MEAK7: variants seen among roughly 807,000 people sequenced by gnomAD.
The protein encoded by MEAK7 is MTOR-associated protein MEAK7.
In MEAK7, 68 loss-of-function variants were observed where a neutral mutation model predicts 40.5. That is an observed-to-expected ratio of 1.68 (90% CI 1.38 to 2.06). The LOEUF is 2.06. MEAK7 is among the 30% of genes most tolerant of loss of function. The probability of loss-of-function intolerance (pLI) is 0.00; values close to 1 mark genes in which losing one functional copy is unlikely to be tolerated. For missense variants in MEAK7, 918 were observed against 580.5 expected (o/e 1.58, Z -5.98); for synonymous variants, 338 against 231.9 (o/e 1.46, Z -4.16).
intron 3 of MEAK7, among the ~76,000 whole-genome samples, chr16:84,490,080 G>C (rs1913436673): frequency 6.6e-6 from 1 of 152,326 alleles, no homozygotes; most frequent in African/African-American, 2.4e-5. Flanking sequence ...CTTACCATTA[G>C]AGCACTCAGT....
At position 84,495,757 on chromosome 16, in the gene MEAK7, C is replaced by A. The variant is rs984673876; in HGVS notation, c.310G>T (p.Glu104Ter). 6.2e-7 allele frequency: 1 copy of A among 1,613,814 alleles called. No homozygotes were observed. Among genetic ancestry groups the A allele is most frequent in the African/African-American group, 1.3e-5 (1 of 74,778 alleles). The change falls in exon 3 of 8, where the codon GAG becomes TAG. Residue 104 changes from glutamate to a stop codon, truncating the protein, a stop_gained. Transcript: ENST00000343629. LOFTEE classifies it high-confidence loss of function. ...TTCATAATCATGAGACTCTTCTCCT[C>A]GGAGTTTCCTTTCAACAGGTGGGAC... ...SMSHLLKGNS[E>*]EKSLMIMKMI...
At chr16:84,485,663 CATCT>C (rs1048511988) in intron 5 of MEAK7, among the ~76,000 whole-genome samples, 4 of 149,782 alleles carry the variant, frequency 2.7e-5, no homozygotes, top group African/African-American at 7.3e-5. Flanking sequence ...TCCATCCATC[CATCT>C]ATCTACCTAT....
At chr16:84,486,439 G>T in intron 5 of MEAK7, 192 bp downstream of exon 5, 1 of 1,382,638 alleles carries the variant, frequency 7.2e-7, no homozygotes. Flanking sequence ...GGGTCACACG[G>T]CCTGTCCTGA....
At chr16:84,503,904 C>T (rs956958171) in intron 1 of MEAK7, 32 of 983,804 alleles carry the variant, frequency 3.3e-5, no homozygotes, top group Non-Finnish European at 3.9e-5. Flanking sequence ...CAAGCTCCAA[C>T]TCTCTACTCC....
chr16:84,490,654 A>ATGTGTGTG (rs35489449), intron 3 of MEAK7, among the ~76,000 whole-genome samples: 5,252 of 137,470 alleles, frequency 0.038, 130 homozygotes, highest in Non-Finnish European at 0.047. Flanking sequence ...GCTAATCAAG[A>ATGTGTGTG]TGTGTGTGTG....
chr16:84,483,952 G>T (rs1180996339), intron 5 of MEAK7, among the ~76,000 whole-genome samples: 5 of 152,208 alleles, frequency 3.3e-5, no homozygotes, highest in African/African-American at 1.2e-4. Context: ...ACAGACTCAG[G>T]CTTGCTTCAC....
Position 84,479,622 on chromosome 16 carries a change from C to G in MEAK7, c.*291G>C, listed in dbSNP as rs1484741572. 1.7e-5 allele frequency: 5 copies of G among 289,250 alleles called. No individual in the cohort carries two copies. Among genetic ancestry groups the G allele is most frequent in the Non-Finnish European group, 3.2e-5 (5 of 157,120 alleles). The allele number at this position is 289,250 out of a possible 1,614,324, so 17.9% of individuals were successfully genotyped here. ...TTAGGATTTCGTTGGTAAAAAAGAA[C>G]AAAGTATAAGACTGAGTTACTAATT... On this transcript the variant is annotated 3_prime_UTR_variant, in exon 8 of 8. Transcript: ENST00000343629.
In MEAK7 at chr16:84,476,890, C is replaced by T. The variant is rs1278795796; in HGVS notation, c.*3023G>A. 2 of 152,096 alleles carry T rather than the reference C, an allele frequency of 1.3e-5. No individual in the cohort carries two copies. Among genetic ancestry groups the T allele is most frequent in the African/African-American group, 4.8e-5 (2 of 41,396 alleles). The allele number at this position is 152,096 out of a possible 1,614,324, so 9.4% of individuals were successfully genotyped here. On this transcript the variant is annotated 3_prime_UTR_variant, in exon 8 of 8. Coordinates refer to ENST00000343629, the MANE Select transcript of MEAK7 (RefSeq NM_020947.4). ...ATCCTTTTATCTTTTTTTTCTAAACCAGGTACACAATTTTTTTTAAACATA... is the reference window on the plus strand; with the variant it reads ...ATCCTTTTATCTTTTTTTTCTAAACTAGGTACACAATTTTTTTTAAACATA...
rs757473660 is a variant in MEAK7 at position 84,479,967 on chromosome 16, G to A, written c.1317C>T (p.Ile439=). The A allele has an allele frequency of 4.3e-6, 7 of 1,610,020 alleles. No individual in the cohort carries two copies. The South Asian group carries it at 4.4e-5, about 10-fold the overall frequency. Residue 439 remains isoleucine (I), a synonymous_variant, in exon 8 of 8, where the codon ATC becomes ATT. Coordinates refer to ENST00000343629, the MANE Select transcript of MEAK7 (RefSeq NM_020947.4). The part of the protein sequence containing the change: ...ADPEAQALLE[I]SGHSRHSEGL... ...CTTCGCTGTGGCGCGAATGCCCACT[G>A]ATCTCCAGCAGGGCCTGGGCCTCAG...
intron 3 of MEAK7, among the ~76,000 whole-genome samples, chr16:84,491,975 A>C (rs1913656975): frequency 6.6e-6 from 1 of 152,220 alleles, no homozygotes; most frequent in African/African-American, 2.4e-5. Context: ...CTAGGGCTAA[A>C]AGAGACTTGA....
intron 1 of MEAK7, among the ~76,000 whole-genome samples, chr16:84,503,215 AAT>A (rs1300999891): frequency 6.6e-6 from 1 of 152,166 alleles, no homozygotes; most frequent in Admixed American, 6.5e-5. Context: ...GTAAAAAAAA[AAT>A]CTCATGTTTT....
In MEAK7 at chr16:84,479,747, G is replaced by C; in HGVS notation, c.*166C>G. 2.2e-6 allele frequency: 1 copy of C among 444,700 alleles called. No homozygotes were observed. Among genetic ancestry groups the C allele is most frequent in the East Asian group, 3.5e-5 (1 of 28,944 alleles). The allele number at this position is 444,700 out of a possible 1,614,324, so 27.5% of individuals were successfully genotyped here. On this transcript the variant is annotated 3_prime_UTR_variant, in exon 8 of 8. Transcript: ENST00000343629. The stretch of plus-strand genomic sequence containing the variant: ...TCTGGGAGATCCACCCATGAGTCAG[G>C]ACATGGCTTCAGAGGGCGTCTTCTT...
intron 1 of MEAK7, among the ~76,000 whole-genome samples, chr16:84,500,810 C>A (rs1914435305): frequency 6.6e-6 from 1 of 152,036 alleles, no homozygotes; most frequent in South Asian, 2.1e-4. Flanking sequence ...CCCAAGCAGC[C>A]AAAACAAAGC....
chr16:84,490,833 G>A (rs976259027), intron 3 of MEAK7, among the ~76,000 whole-genome samples: 13 of 151,740 alleles, frequency 8.6e-5, no homozygotes, highest in South Asian at 6.3e-4. Flanking sequence ...GCTACCCTCC[G>A]CTGTATGAAG....
chr16:84,497,796 G>T, intron 2 of MEAK7, 138 bp downstream of exon 2: 2 of 1,354,960 alleles, frequency 1.5e-6, no homozygotes, highest in Non-Finnish European at 2.1e-6. Flanking sequence ...GGTCACATCT[G>T]GCCCTTTACA....
At chr16:84,495,265 T>C (rs1219504488) in intron 3 of MEAK7, among the ~76,000 whole-genome samples, 1 of 152,150 alleles carries the variant, frequency 6.6e-6, no homozygotes, top group Non-Finnish European at 1.5e-5. Flanking sequence ...CAAGACTCCA[T>C]TTCAAAAAAT....
intron 6 of MEAK7, among the ~76,000 whole-genome samples, chr16:84,481,216 C>T (rs1290104758): frequency 3.9e-5 from 6 of 152,224 alleles, no homozygotes; most frequent in African/African-American, 1.2e-4. Context: ...GAGGCGGATG[C>T]GAACCCCTGT....
At chr16:84,484,007 G>A (rs767746990) in intron 5 of MEAK7, among the ~76,000 whole-genome samples, 9 of 152,264 alleles carry the variant, frequency 5.9e-5, no homozygotes, top group South Asian at 2.1e-4. Context: ...TTTAGACGCC[G>A]CCATGAACAG....
At chr16:84,501,105 G>GAAAAAAAAAAAA (rs35447624) in intron 1 of MEAK7, among the ~76,000 whole-genome samples, 2 of 103,638 alleles carry the variant, frequency 1.9e-5, no homozygotes, top group African/African-American at 3.8e-5. Context: ...AAAAAAAAAA[G>GAAAAAAAAAAAA]AAAAAAAAAA....
Sources: gnomAD v4.1 joint callset for allele counts (sites outside exome capture counted in the v4.1 genomes callset) on GRCh38, gnomAD v4.1.1 for gene constraint, MANE v1.5 for transcripts, NCBI Gene and HGNC (gene_info 2026-07-23, HGNC 2026-07-21) for gene names.